The following CA10 variants were observed in gnomAD, a reference collection of about 807,000 sequenced individuals.
The protein encoded by CA10 is carbonic anhydrase 10 (inactive).
A neutral mutation model predicts 44.2 loss-of-function variants in CA10; 14 were observed. The observed-to-expected ratio is 0.32, with a 90% CI of 0.21 to 0.50. The LOEUF (loss-of-function observed/expected upper bound fraction) is 0.50. Ranked by LOEUF, CA10 falls within the 20% of genes least tolerant of loss-of-function variation. CA10 has a pLI of 0.99. For synonymous variants in CA10, 159 were observed against 141.6 expected, an observed-to-expected ratio of 1.12 and a Z score of -0.87; for missense variants, 350 against 409.7, an observed-to-expected ratio of 0.85 and a Z score of 1.26.
At chr17:51,717,833 A>ATATATACGTG (rs1598006862) in intron 4 of CA10, among the ~76,000 whole-genome samples, 1 of 58,520 alleles carries the variant, frequency 1.7e-5, no homozygotes, top group Non-Finnish European at 3.0e-5. Flanking sequence ...GTGTGTGTAT[A>ATATATACGTG]TATATATATA....
intron 4 of CA10, among the ~76,000 whole-genome samples, chr17:51,654,457 A>G (rs1304428999): frequency 6.6e-6 from 1 of 152,202 alleles, no homozygotes; most frequent in Admixed American, 6.5e-5. Context: ...ACTGGGATCA[A>G]TTGTTTCCTC....
chr17:52,115,427 C>A (rs961537456), intron 1 of CA10, among the ~76,000 whole-genome samples: 1 of 152,008 alleles, frequency 6.6e-6, no homozygotes, highest in Non-Finnish European at 1.5e-5. Context: ...TGTTTTGGAG[C>A]CTTCTTGTTC....
chr17:52,131,628 A>T (rs191512897), intron 1 of CA10, among the ~76,000 whole-genome samples: 1 of 152,206 alleles, frequency 6.6e-6, no homozygotes, highest in African/African-American at 2.4e-5. Flanking sequence ...TTTTGTAGAG[A>T]GCTTTCAGTA....
chr17:51,640,814 T>C (rs1015241764), intron 6 of CA10, among the ~76,000 whole-genome samples: 16 of 152,196 alleles, frequency 1.1e-4, no homozygotes, highest in Non-Finnish European at 2.2e-4. Flanking sequence ...CAGAAAACCA[T>C]TGTTTGGTTC....
At chr17:52,020,706 G>A (rs1389989222) in intron 2 of CA10, among the ~76,000 whole-genome samples, 1 of 151,822 alleles carries the variant, frequency 6.6e-6, no homozygotes, top group Non-Finnish European at 1.5e-5. Context: ...TTTGTTACAT[G>A]GATATATTGC....
intron 2 of CA10, among the ~76,000 whole-genome samples, chr17:52,043,567 C>T (rs1463131465): frequency 1.3e-5 from 2 of 151,948 alleles, no homozygotes; most frequent in African/African-American, 4.8e-5. Context: ...TTCCTAATTG[C>T]TCTGGCTAGA....
chr17:52,042,844 TAAG>T (rs1204083775), intron 2 of CA10, among the ~76,000 whole-genome samples: 1 of 152,076 alleles, frequency 6.6e-6, no homozygotes, highest in African/African-American at 2.4e-5. Flanking sequence ...ATCATTTATT[TAAG>T]AAACTATCCT....
intron 2 of CA10, among the ~76,000 whole-genome samples, chr17:51,993,031 C>T (rs1435589527): frequency 1.3e-5 from 2 of 152,080 alleles, no homozygotes; most frequent in Admixed American, 6.6e-5. Flanking sequence ...ACTAATTAAA[C>T]ATTTTATGCA....
intron 7 of CA10, 60 bp from the exon 8 acceptor site, chr17:51,633,710 A>G: frequency 6.4e-7 from 1 of 1,566,940 alleles, no homozygotes; most frequent in Non-Finnish European, 8.7e-7. Flanking sequence ...TAGGGAAGAA[A>G]TAAGACCACA....
intron 1 of CA10, among the ~76,000 whole-genome samples, chr17:52,087,285 C>A (rs1011599016): frequency 6.6e-6 from 1 of 152,156 alleles, no homozygotes; most frequent in Non-Finnish European, 1.5e-5. Context: ...GGATTATAGG[C>A]GTGTGCCACC....
chr17:52,049,072 CTA>C (rs1421813602), intron 2 of CA10, among the ~76,000 whole-genome samples: 8 of 152,140 alleles, frequency 5.3e-5, no homozygotes, highest in African/African-American at 1.7e-4. Flanking sequence ...TAGTTAAAAG[CTA>C]TGAGTTTGAG....
intron 3 of CA10, among the ~76,000 whole-genome samples, chr17:51,827,627 A>G (rs1908076068): frequency 6.6e-6 from 1 of 152,332 alleles, no homozygotes; most frequent in Admixed American, 6.5e-5. Flanking sequence ...TGATTGCATT[A>G]AAGTAGCTAT....
chr17:51,858,919 C>T (rs1979174832), intron 3 of CA10, among the ~76,000 whole-genome samples: 1 of 151,914 alleles, frequency 6.6e-6, no homozygotes, highest in South Asian at 2.1e-4. Flanking sequence ...GGGAGCAGGT[C>T]ACTTAGCCTA....
chr17:52,060,647 G>C (rs1014290197), intron 2 of CA10, among the ~76,000 whole-genome samples: 2 of 152,004 alleles, frequency 1.3e-5, no homozygotes, highest in African/African-American at 4.8e-5. Flanking sequence ...ATCATGTCTA[G>C]AGAGAAGATA....
chr17:51,708,289 C>T (rs1915822229), intron 4 of CA10, among the ~76,000 whole-genome samples: 1 of 152,178 alleles, frequency 6.6e-6, no homozygotes, highest in Non-Finnish European at 1.5e-5. Flanking sequence ...GCTTGCTGCT[C>T]TGATGGCCAT....
intron 3 of CA10, among the ~76,000 whole-genome samples, chr17:51,930,589 T>C (rs1292285985): frequency 6.6e-6 from 1 of 152,106 alleles, no homozygotes; most frequent in Non-Finnish European, 1.5e-5. Flanking sequence ...CCTCCCAAGA[T>C]GATGAACGTC....
At position 51,996,189 on chromosome 17, in the gene CA10, G is replaced by A. The variant is rs933077586; in HGVS notation, c.137-65057C>T. Among the ~76,000 whole-genome samples the A allele has an allele frequency of 2.0e-5, 3 of 152,068 alleles. No individual in the cohort carries two copies. In the East Asian group the frequency reaches 5.8e-4, roughly 30 times the overall value. ...TTCATGTCAGAGGAAGAGCACCAAT[G>A]AGGAAGCAGCTCATTCAAATGGTGA... On this transcript the variant is annotated intron_variant, in intron 2 of 8. Transcript: ENST00000451037.
chr17:51,890,808 G>T (rs935930728), intron 3 of CA10, among the ~76,000 whole-genome samples: 8 of 152,162 alleles, frequency 5.3e-5, no homozygotes, highest in Non-Finnish European at 1.2e-4. Flanking sequence ...CTTATCCAGA[G>T]GTTACTGAAT....
intron 5 of CA10, among the ~76,000 whole-genome samples, chr17:51,649,742 A>G (rs1913483877): frequency 6.6e-6 from 1 of 152,222 alleles, no homozygotes. Context: ...ATAGGAAGTG[A>G]GCCTAGAAAG....
Sources: allele counts gnomAD v4.1 joint callset (sites outside exome capture counted in the v4.1 genomes callset), GRCh38; gene constraint gnomAD v4.1.1; transcripts MANE v1.5; gene names NCBI Gene and HGNC (gene_info 2026-07-23, HGNC 2026-07-21).